Variants in FLII observed in about 807,000 individuals in gnomAD.
FLII encodes the protein FLII actin remodeling protein, also known as protein flightless-1 homolog.
In FLII, 101 loss-of-function variants were observed where a neutral mutation model predicts 156.2. The observed-to-expected ratio is 0.65, with a 90% CI of 0.55 to 0.76. The LOEUF is 0.76. Ranked by LOEUF, FLII falls within the 30% of genes least tolerant of loss-of-function variation. The pLI is 0.00. For synonymous variants in FLII, 767 were observed against 685.8 expected, an observed-to-expected ratio of 1.12 and a Z score of -1.85; for missense variants, 1,675 against 1,682.8, an observed-to-expected ratio of 1.00 and a Z score of 0.08.
In FLII at chr17:18,245,342, C is replaced by T. The variant is rs2047996788; in HGVS notation, c.3675+12G>A. 1 of 1,614,094 alleles carries T rather than the reference C, an allele frequency of 6.2e-7. No individual in the cohort carries two copies. The stretch of plus-strand genomic sequence containing the variant: ...CACAGGCCCACCTCGGCCCTCCCTC[C>T]ACCCAGATTACCTGGCAGGCCTTCA... On this transcript the variant is annotated intron_variant, in intron 29 of 29. Transcript: ENST00000327031.
chr17:18,246,313 G>A lies in FLII; in HGVS notation c.3201C>T (p.Cys1067=). The change falls in exon 24 of 30, where the codon TGC becomes TGT. Residue 1067 remains cysteine, a synonymous_variant. Coordinates refer to ENST00000327031, the MANE Select transcript of FLII (RefSeq NM_002018.4). ...GTCCTCCCCCAGCCAGGCACCGGGTGCAGAGGGCGCTGCCGTTGGTGCGGA... is the reference window on the plus strand; with the variant it reads ...GTCCTCCCCCAGCCAGGCACCGGGTACAGAGGGCGCTGCCGTTGGTGCGGA... ...YQIRTNGSAL[C]TRCIQINTDS... 2 of 1,613,874 alleles carry A rather than the reference G, an allele frequency of 1.2e-6. No homozygotes were observed. Among genetic ancestry groups the A allele is most frequent in the Non-Finnish European group, 1.7e-6 (2 of 1,180,034 alleles).
In FLII at chr17:18,250,862, G is replaced by A. The variant is rs144463561; in HGVS notation, c.1752C>T (p.Gly584=). Reference sequence around the variant, plus strand: ...CCTGCAGGAACTCCTCGCTCTCATCGCCCATCTCCTCCCGGACAGTGCGGC... The same window carrying A: ...CCTGCAGGAACTCCTCGCTCTCATCACCCATCTCCTCCCGGACAGTGCGGC... ...AECRTVREEM[G]DESEEFLQVF... Residue 584 remains glycine, a synonymous_variant, in exon 14 of 30, where the codon GGC becomes GGT. Coordinates refer to ENST00000327031, the MANE Select transcript of FLII (RefSeq NM_002018.4). 1,455 of 1,613,366 alleles carry A rather than the reference G, an allele frequency of 9.0e-4. 3 individuals are homozygous for A. Among genetic ancestry groups the A allele is most frequent in the Middle Eastern group, 8.9e-3 (54 of 6,058 alleles).
In FLII at chr17:18,247,126, CCCCA is replaced by C. The variant is rs755181855; in HGVS notation, c.2676+39_2676+42del. On this transcript the variant is annotated intron_variant, in intron 21 of 29. Coordinates refer to ENST00000327031, the MANE Select transcript of FLII (RefSeq NM_002018.4). ...GCATAGGCCCCGCCCTCGGCCTGCC[CCCCA>C]CCCCCCCCCCCGCGCCCCGGTCCCG... 6.4e-4 allele frequency: 479 copies of C among 743,160 alleles called. 4 individuals carry two copies. The highest frequency in any genetic ancestry group is 2.8e-3 in the African/African-American group (127 of 45,270). The allele number at this position is 743,160 out of a possible 1,614,324, so 46.0% of individuals were successfully genotyped here. A position where few individuals can be genotyped will look rare whatever the true frequency, so the allele number is the denominator to read the frequency against.
chr17:18,247,123 G>GCCCC lies in FLII; in HGVS notation c.2676+42_2676+45dup, dbSNP rs765734701. Reference sequence around the variant, plus strand: ...TGCGCATAGGCCCCGCCCTCGGCCTGCCCCCCACCCCCCCCCCCGCGCCCC... The same window carrying GCCCC: ...TGCGCATAGGCCCCGCCCTCGGCCTGCCCCCCCCCCACCCCCCCCCCCGCGCCCC... On this transcript the variant is annotated intron_variant, in intron 21 of 29. Coordinates refer to ENST00000327031, the MANE Select transcript of FLII (RefSeq NM_002018.4). 7.2e-6 allele frequency: 9 copies of GCCCC among 1,249,344 alleles called. No individual in the cohort carries two copies. In the Admixed American group the frequency reaches 9.0e-5, roughly 12 times the overall value. 77.4% of individuals were successfully genotyped at this position (1,249,344 alleles called of 1,614,324 possible). A position where few individuals can be genotyped will look rare whatever the true frequency, so the allele number is the denominator to read the frequency against.
upstream of FLII, chr17:18,258,739 G>C: frequency 7.5e-7 from 1 of 1,326,682 alleles, no homozygotes; most frequent in Non-Finnish European, 9.7e-7. This position sits in a 1 kb window ranked among gnomAD's most constrained non-coding sequence, Gnocchi z 4.2. Context: ...GCGCCGGGGC[G>C]AGGGCGCTGG....
intron 26 of FLII, 31 bp from the exon 27 acceptor site, chr17:18,245,881 C>A (rs965687154): frequency 6.2e-7 from 1 of 1,613,792 alleles, no homozygotes; most frequent in Non-Finnish European, 8.5e-7. Context: ...GCCCAGGGCC[C>A]CTGCCTGCCC....
In FLII at chr17:18,245,756, G is replaced by A; in HGVS notation, c.3491C>T (p.Thr1164Ile). The A allele has an allele frequency of 6.2e-7, 1 of 1,613,946 alleles. No individual in the cohort carries two copies. The highest frequency in any genetic ancestry group is 1.7e-5 in the Admixed American group (1 of 60,026). The change falls in exon 27 of 30, where the codon ACA (threonine) becomes ATA (isoleucine). Residue 1164 changes from threonine to isoleucine, a missense_variant. Around this residue, in one of 2 missense-constraint regions of FLII, gnomAD observed 1,332 missense variants for 1,269.3 expected, o/e 1.05. Coordinates refer to ENST00000327031, the MANE Select transcript of FLII (RefSeq NM_002018.4). The stretch of plus-strand genomic sequence containing the variant: ...GCCCTGGCCTCACCGGAAGAGACGT[G>A]TGTGTTTCATGTACTCGGCATCGTC... Reference protein sequence around the residue: ...YDDDAEYMKHTRLFRCSNEKG... With the variant: ...YDDDAEYMKHIRLFRCSNEKG...
In FLII at chr17:18,258,393, G is replaced by A; in HGVS notation, c.63+235C>T. 1 of 1,240,456 alleles carries A rather than the reference G, an allele frequency of 8.1e-7. No homozygotes were observed. 76.8% of individuals were successfully genotyped at this position (1,240,456 alleles called of 1,614,324 possible). A position where few individuals can be genotyped will look rare whatever the true frequency, so the allele number is the denominator to read the frequency against. ...GGGCTCCCGGCCGGGCCCCCGGCGG[G>A]ACTCCGAGCCCAAGCGTCCGTCCCC... is the stretch of plus-strand genomic sequence containing the variant. On this transcript the variant is annotated intron_variant, in intron 1 of 29. Coordinates refer to ENST00000327031, the MANE Select transcript of FLII (RefSeq NM_002018.4). This position sits in a 1 kb window ranked among gnomAD's most constrained non-coding sequence, Gnocchi z 4.2.
At chr17:18,252,886 C>T (rs142449761) in intron 9 of FLII, among the ~76,000 whole-genome samples, 1 of 152,178 alleles carries the variant, frequency 6.6e-6, no homozygotes, top group African/African-American at 2.4e-5. Flanking sequence ...CTGGGCCGGG[C>T]GTGGTGGCTC....
chr17:18,251,564 C>T, intron 12 of FLII, 87 bp from the exon 13 acceptor site: 1 of 1,570,394 alleles, frequency 6.4e-7, no homozygotes, highest in Non-Finnish European at 8.7e-7. Flanking sequence ...AGGGCCTTTG[C>T]ACAGCTGTTC....
chr17:18,248,486 G>A (rs993852914), intron 18 of FLII, 64 bp downstream of exon 18: 3 of 1,484,874 alleles, frequency 2.0e-6, no homozygotes, highest in Non-Finnish European at 1.8e-6. Context: ...TCGGTGTGTA[G>A]TCCATTCCCC....
intron 2 of FLII, 53 bp downstream of exon 2, chr17:18,256,856 G>T: frequency 2.5e-6 from 3 of 1,221,584 alleles, no homozygotes; most frequent in Non-Finnish European, 3.5e-6. Flanking sequence ...CACAGGCTCT[G>T]CCCACCTGGC....
rs1433062866 is a variant in FLII at position 18,258,467 on chromosome 17, G to C, written c.63+161C>G. ...CGTACAGGCACTGGGCGGAGGCCTC[G>C]GAGGTCCATTCCTGGCCAGGGGAGA... On this transcript the variant is annotated intron_variant, in intron 1 of 29. Transcript: ENST00000327031. This position sits in a 1 kb window ranked among gnomAD's most constrained non-coding sequence, Gnocchi z 4.2. 1 of 1,511,088 alleles carries C rather than the reference G, an allele frequency of 6.6e-7. No homozygotes were observed. The highest frequency in any genetic ancestry group is 8.8e-7 in the Non-Finnish European group (1 of 1,136,230). The allele number at this position is 1,511,088 out of a possible 1,614,324, so 93.6% of individuals were successfully genotyped here.
At chr17:18,251,874 C>A in intron 11 of FLII, 58 bp from the exon 12 acceptor site, 4 of 1,609,228 alleles carry the variant, frequency 2.5e-6, no homozygotes, top group Non-Finnish European at 3.4e-6. Context: ...CTTGGGCATG[C>A]GACCAACCAG....
In FLII at chr17:18,252,099, G is replaced by C. The variant is rs144960283; in HGVS notation, c.1146C>G (p.Pro382=). ...TGTACCACTCAGCGGCACGGTCTGC[G>C]GGCTTGGGCGGCATGACCAGGTTGG... ...ENPNLVMPPK[P]ADRAAEWYNI... Residue 382 remains proline (P), a synonymous_variant, in exon 11 of 30, where the codon CCC becomes CCG. Transcript: ENST00000327031. The C allele has an allele frequency of 6.2e-6, 10 of 1,613,304 alleles. No homozygotes were observed. The South Asian group carries it at 1.1e-4, about 18-fold the overall frequency.
chr17:18,251,277 G>A lies in FLII; in HGVS notation c.1584C>T (p.Tyr528=). ...FHGKFYEADC[Y]IVLKTFLDDS... is the part of the protein sequence containing the mutation. ...GCCCAGCCCTCACCTTGAGCACAAT[G>A]TAGCAGTCAGCCTCGTAGAACTTGC... The change falls in exon 13 of 30, where the codon TAC becomes TAT. Residue 528 remains tyrosine (Y), a synonymous_variant. Coordinates refer to ENST00000327031, the MANE Select transcript of FLII (RefSeq NM_002018.4). 1 of 1,613,940 alleles carries A rather than the reference G, an allele frequency of 6.2e-7. No individual in the cohort carries two copies. Among genetic ancestry groups the A allele is most frequent in the Non-Finnish European group, 8.5e-7 (1 of 1,180,004 alleles).
chr17:18,250,155 C>T (rs953858231), intron 14 of FLII, among the ~76,000 whole-genome samples: 2 of 152,176 alleles, frequency 1.3e-5, no homozygotes, highest in Admixed American at 6.5e-5. Context: ...TATAAACATA[C>T]ACACGTCGGG....
Position 18,248,043 on chromosome 17 carries a change from AG to A in FLII, c.2191-11del. On this transcript the variant is annotated splice_polypyrimidine_tract_variant and intron_variant, in intron 18 of 29. Coordinates refer to ENST00000327031, the MANE Select transcript of FLII (RefSeq NM_002018.4). ...CCAAGCCCAGGCCCACCTGGCAGGA[AG>A]GATGAGCATGGCAGGGAAGGGATCT... is the stretch of plus-strand genomic sequence containing the variant. 1 of 1,595,218 alleles carries A rather than the reference AG, an allele frequency of 6.3e-7. No individual in the cohort carries two copies. The highest frequency in any genetic ancestry group is 8.6e-7 in the Non-Finnish European group (1 of 1,163,854).
chr17:18,250,283 A>T (rs919644943), intron 14 of FLII, among the ~76,000 whole-genome samples: 1 of 152,168 alleles, frequency 6.6e-6, no homozygotes, highest in East Asian at 1.9e-4. Context: ...GAAGAGTGGA[A>T]ACCTGGGTGA....
Sources: allele counts gnomAD v4.1 joint callset (sites outside exome capture counted in the v4.1 genomes callset), GRCh38; gene constraint gnomAD v4.1.1; regional missense constraint gnomAD v4.1.1; non-coding constraint Gnocchi (gnomAD v3.1); transcripts MANE v1.5; gene names NCBI Gene and HGNC (gene_info 2026-07-23, HGNC 2026-07-21).